The following TRUB1 variants were observed in gnomAD, a reference collection of about 807,000 sequenced individuals.
The protein encoded by TRUB1 is pseudouridylate synthase TRUB1.
Under a neutral mutation model 33.9 loss-of-function variants are expected in TRUB1, and 23 were observed. The ratio of observed to expected loss-of-function variants is 0.68; its 90% confidence interval spans 0.49 to 0.96. The LOEUF (loss-of-function observed/expected upper bound fraction) is 0.96. TRUB1 is among the 40% of genes least tolerant of loss of function. The pLI is 0.00. For missense variants in TRUB1, 378 were observed against 422.2 expected, an observed-to-expected ratio of 0.90 and a Z score of 0.92; for synonymous variants, 163 against 165.4, an observed-to-expected ratio of 0.99 and a Z score of 0.11.
chr10:114,963,976 TG>T (rs1470327514), intron 4 of TRUB1, among the ~76,000 whole-genome samples: 2 of 152,074 alleles, frequency 1.3e-5, no homozygotes, highest in African/African-American at 4.8e-5. Flanking sequence ...CGTGTGTGTG[TG>T]TGTGTGTGTG....
At chr10:114,951,015 T>G in intron 2 of TRUB1, 79 bp from the exon 3 acceptor site, 2 of 1,309,724 alleles carry the variant, frequency 1.5e-6, no homozygotes, top group East Asian at 2.3e-5. Flanking sequence ...GCTGGGAAAT[T>G]ATGACCAAAA....
intron 2 of TRUB1, among the ~76,000 whole-genome samples, chr10:114,949,100 A>C (rs750368659): frequency 6.6e-6 from 1 of 152,170 alleles, no homozygotes; most frequent in Non-Finnish European, 1.5e-5. Context: ...GTTATTTAGC[A>C]TTATTCACTC....
At chr10:114,952,459 A>T (rs1196360655) in intron 3 of TRUB1, among the ~76,000 whole-genome samples, 3 of 75,876 alleles carry the variant, frequency 4.0e-5, no homozygotes, top group Non-Finnish European at 1.2e-4. Context: ...ATAATAAGTA[A>T]GGTAGGTAGG....
rs192971633 is a variant in TRUB1, at chr10:114,964,902, T to C, written c.523+5095T>C. On this transcript the variant is annotated intron_variant, in intron 4 of 7. Transcript: ENST00000298746. ...ATCTGGAAGAACAAGTCCTTCCTGCTTTATTTCTTATAGATTTTTTTCTAT... is the reference window on the plus strand; with the variant it reads ...ATCTGGAAGAACAAGTCCTTCCTGCCTTATTTCTTATAGATTTTTTTCTAT... Among the ~76,000 whole-genome samples, 410 of 152,122 alleles carry C rather than the reference T, an allele frequency of 2.7e-3. 3 individuals carry two copies. Among genetic ancestry groups the C allele is most frequent in the African/African-American group, 9.6e-3 (397 of 41,560 alleles).
At chr10:114,940,114 AGTTTTTGTTTTT>A (rs950912901) in intron 1 of TRUB1, among the ~76,000 whole-genome samples, 2 of 151,902 alleles carry the variant, frequency 1.3e-5, no homozygotes, top group South Asian at 4.2e-4. Context: ...TTGCTTGGGA[AGTTTTTGTTTTT>A]GTTTTTGTTT....
chr10:114,951,098 T>A lies in TRUB1; in HGVS notation c.390T>A (p.Val130=), dbSNP rs1307083468. The change falls in exon 3 of 8, where the codon GTT becomes GTA. Residue 130 remains valine, a synonymous_variant. Coordinates refer to ENST00000298746, the MANE Select transcript of TRUB1 (RefSeq NM_139169.5). ...ATTTCTTTCTTTGATTTGTAGTTGTTGGAATTGGAAGCGGAACAAAAATGT... is the reference window on the plus strand; with the variant it reads ...ATTTCTTTCTTTGATTTGTAGTTGTAGGAATTGGAAGCGGAACAAAAATGT... ...LDSAARGVLV[V]GIGSGTKMLT... is the part of the protein sequence containing the mutation. 1 of 1,612,102 alleles carries A rather than the reference T, an allele frequency of 6.2e-7. No homozygotes were observed. Among genetic ancestry groups the A allele is most frequent in the Admixed American group, 1.7e-5 (1 of 59,918 alleles).
intron 3 of TRUB1, among the ~76,000 whole-genome samples, chr10:114,953,947 A>G (rs1002305990): frequency 6.6e-6 from 1 of 151,944 alleles, no homozygotes; most frequent in African/African-American, 2.4e-5. Context: ...ACCATGCCCC[A>G]CCTCCAACAC....
At chr10:114,950,955 G>C in intron 2 of TRUB1, 139 bp from the exon 3 acceptor site, 1 of 613,900 alleles carries the variant, frequency 1.6e-6, no homozygotes, top group Non-Finnish European at 2.9e-6. Context: ...AGTAATAGGA[G>C]CCCTAACATT....
intron 1 of TRUB1, among the ~76,000 whole-genome samples, chr10:114,941,831 C>A (rs1484411065): frequency 6.6e-6 from 1 of 151,950 alleles, no homozygotes; most frequent in Non-Finnish European, 1.5e-5. Flanking sequence ...GTCGCCCAGG[C>A]TAGAGTGCAG....
Position 114,964,003 on chromosome 10 carries a change from G to C in TRUB1, c.523+4196G>C, listed in dbSNP as rs2084295906. 2.0e-5 allele frequency among the ~76,000 whole-genome samples: 3 copies of C among 152,078 alleles called. No individual in the cohort carries two copies. In the South Asian group the frequency reaches 6.2e-4, roughly 31 times the overall value. On this transcript the variant is annotated intron_variant, in intron 4 of 7. Coordinates refer to ENST00000298746, the MANE Select transcript of TRUB1 (RefSeq NM_139169.5). ...TGTGTGTGTGTGTGCGTGTGCACGT[G>C]TGTGCCTGCATGTGTTCCTGGGTTA...
At chr10:114,940,784 A>T (rs2084183104) in intron 1 of TRUB1, among the ~76,000 whole-genome samples, 1 of 152,164 alleles carries the variant, frequency 6.6e-6, no homozygotes, top group Non-Finnish European at 1.5e-5. Flanking sequence ...AGAGTTCCCC[A>T]AAAGGTTTCT....
At chr10:114,965,633 A>G (rs1166669813) in intron 4 of TRUB1, among the ~76,000 whole-genome samples, 1 of 152,016 alleles carries the variant, frequency 6.6e-6, no homozygotes, top group African/African-American at 2.4e-5. Flanking sequence ...TTTCTATCAG[A>G]TTGGTATTTT....
Position 114,975,479 on chromosome 10 carries a change from T to G in TRUB1, c.*100T>G. ...TTCAAAAGACAAACAATATGTCTTT[T>G]TTTTTTTTGCATGAAGAAAAATGTC... On this transcript the variant is annotated 3_prime_UTR_variant, in exon 8 of 8. Coordinates refer to ENST00000298746, the MANE Select transcript of TRUB1 (RefSeq NM_139169.5). 2 of 1,211,904 alleles carry G rather than the reference T, an allele frequency of 1.7e-6. No homozygotes were observed. Among genetic ancestry groups the G allele is most frequent in the Non-Finnish European group, 1.1e-6 (1 of 899,900 alleles). 75.1% of individuals were successfully genotyped at this position (1,211,904 alleles called of 1,614,324 possible).
intron 1 of TRUB1, among the ~76,000 whole-genome samples, chr10:114,940,067 A>G (rs994324330): frequency 1.3e-5 from 2 of 152,178 alleles, no homozygotes; most frequent in African/African-American, 4.8e-5. Context: ...TAGTTAGGCT[A>G]GGGCTTTCCA....
rs1304578135 is a variant in TRUB1 at position 114,976,521 on chromosome 10, C to T, written c.*1142C>T. 6.6e-6 allele frequency: 1 copy of T among 152,094 alleles called. No individual in the cohort carries two copies. The highest frequency in any genetic ancestry group is 2.1e-4 in the South Asian group (1 of 4,830). 9.4% of individuals were successfully genotyped at this position (152,094 alleles called of 1,614,324 possible). ...AGCCAGTCTGTAGAAACATTCAGAT[C>T]CCTCTTCCTTTACTCAAATACAGTT... On this transcript the variant is annotated 3_prime_UTR_variant, in exon 8 of 8. Coordinates refer to ENST00000298746, the MANE Select transcript of TRUB1 (RefSeq NM_139169.5).
At chr10:114,941,037 C>T (rs2084184194) in intron 1 of TRUB1, among the ~76,000 whole-genome samples, 1 of 152,146 alleles carries the variant, frequency 6.6e-6, no homozygotes, top group Non-Finnish European at 1.5e-5. Flanking sequence ...AATCTGGCTT[C>T]TGCATTTCCA....
intron 1 of TRUB1, among the ~76,000 whole-genome samples, chr10:114,942,029 C>A (rs576277625): frequency 6.6e-6 from 1 of 152,144 alleles, no homozygotes; most frequent in Admixed American, 6.5e-5. Context: ...CGTGATCCGC[C>A]CGCTTCGGCC....
chr10:114,957,196 C>G (rs2084265270), intron 3 of TRUB1, among the ~76,000 whole-genome samples: 1 of 152,180 alleles, frequency 6.6e-6, no homozygotes. Context: ...AGAGTTCATA[C>G]TTGCAGAAAG....
intron 6 of TRUB1, among the ~76,000 whole-genome samples, chr10:114,973,020 T>C (rs1264201508): frequency 1.3e-5 from 2 of 152,146 alleles, no homozygotes; most frequent in African/African-American, 2.4e-5. Flanking sequence ...AGTTTCACAG[T>C]GCACTGAATA....
Sources: allele counts gnomAD v4.1 joint callset (sites outside exome capture counted in the v4.1 genomes callset), GRCh38; gene constraint gnomAD v4.1.1; transcripts MANE v1.5; gene names NCBI Gene and HGNC (gene_info 2026-07-23, HGNC 2026-07-21).